ARHGEF17: variants seen among roughly 807,000 people sequenced by gnomAD.
ARHGEF17 encodes the protein 164 kDa Rho-specific guanine-nucleotide exchange factor.
ARHGEF17 carries 80 observed loss-of-function variants against 174.0 expected under a neutral mutation model. The observed-to-expected ratio is 0.46, with a 90% confidence interval of 0.38 to 0.55. The LOEUF (loss-of-function observed/expected upper bound fraction) is 0.55, where lower values mean the gene tolerates loss of function less well. ARHGEF17 is among the 20% of genes least tolerant of loss of function. The pLI is 0.00. For missense variants in ARHGEF17, 2,886 were observed against 2,839.7 expected (o/e 1.02, Z -0.37); for synonymous variants, 1,311 against 1,189.1 (o/e 1.10, Z -2.11).
rs139582398 is a variant in ARHGEF17, at chr11:73,311,743, G to A, written c.3105G>A (p.Pro1035=). 31 of 1,613,016 alleles carry A rather than the reference G, an allele frequency of 1.9e-5. No individual in the cohort carries two copies. In the Admixed American group the frequency reaches 2.0e-4, roughly 10 times the overall value. ...VDMPCLPLAA[P]PSAEAKPPEA... ...TGCCCTGCTTGCCTCTGGCTGCACCGCCCTCTGCTGAGGCCAAGCCCCCTG... is the reference window on the plus strand; with the variant it reads ...TGCCCTGCTTGCCTCTGGCTGCACCACCCTCTGCTGAGGCCAAGCCCCCTG... The change falls in exon 1 of 21, where the codon CCG becomes CCA. Residue 1035 remains proline, a synonymous_variant. Transcript: ENST00000263674.
chr11:73,367,287 G>A (rs907251664), intron 20 of ARHGEF17, among the ~76,000 whole-genome samples: 1 of 152,176 alleles, frequency 6.6e-6, no homozygotes, highest in Non-Finnish European at 1.5e-5. Flanking sequence ...AAGAGAGATA[G>A]AAAGTGGCAT....
chr11:73,311,202 C>G lies in ARHGEF17; in HGVS notation c.2564C>G (p.Pro855Arg). The G allele has an allele frequency of 6.3e-7, 1 of 1,599,896 alleles. No homozygotes were observed. The highest frequency in any genetic ancestry group is 1.1e-5 in the South Asian group (1 of 90,100). ...GGGGAGCCCATCCGAGAAGTTGAGC[C>G]CATGCTGCCTCCATCCAGCAGCGAG... Reference protein sequence around the residue: ...PGGEPIREVEPMLPPSSSEPI... With the variant: ...PGGEPIREVERMLPPSSSEPI... Residue 855 changes from proline to arginine, a missense_variant, in exon 1 of 21, where the codon CCC becomes CGC. Transcript: ENST00000263674.
In ARHGEF17 at chr11:73,311,072, C is replaced by T. The variant is rs781647846; in HGVS notation, c.2434C>T (p.Arg812Cys). Residue 812 changes from arginine (R) to cysteine (C), a missense_variant, in exon 1 of 21, where the codon CGT becomes TGT. Transcript: ENST00000263674. The part of the protein sequence containing the change: ...SIVQGPGTLG[R>C]VVDDRIAGKA... Reference sequence around the variant, plus strand: ...AGTTCAGGGGCCTGGCACCCTGGGGCGTGTGGTGGACGACAGGATTGCTGG... The same window carrying T: ...AGTTCAGGGGCCTGGCACCCTGGGGTGTGTGGTGGACGACAGGATTGCTGG... The T allele has an allele frequency of 1.3e-5, 21 of 1,612,436 alleles. No individual in the cohort carries two copies. In the Admixed American group the frequency reaches 1.5e-4, roughly 12 times the overall value.
Position 73,309,261 on chromosome 11 carries a change from A to T in ARHGEF17, c.623A>T (p.Gln208Leu). ...RRPQQQQERA[Q>L]RPADGLHSWH... ...CCGCAGCAGCAACAGGAGCGGGCGC[A>T]GCGTCCAGCGGATGGTTTACATTCT... The change falls in exon 1 of 21, where the codon CAG becomes CTG. Residue 208 changes from glutamine (Q) to leucine (L), a missense_variant. Gln to Leu is a moderately radical substitution (Grantham distance 113). Around this residue, in one of 4 missense-constraint regions of ARHGEF17, gnomAD observed 1,728 missense variants for 1,461.2 expected, o/e 1.18. Transcript: ENST00000263674. 6.2e-7 allele frequency: 1 copy of T among 1,608,932 alleles called. No homozygotes were observed. Among genetic ancestry groups the T allele is most frequent in the Non-Finnish European group, 8.5e-7 (1 of 1,177,994 alleles).
intron 1 of ARHGEF17, among the ~76,000 whole-genome samples, chr11:73,318,008 T>G (rs531183771): frequency 6.6e-6 from 1 of 152,162 alleles, no homozygotes; most frequent in South Asian, 2.1e-4. Flanking sequence ...TCCATCCCCC[T>G]TCAGAGCCAC....
At position 73,368,003 on chromosome 11, in the gene ARHGEF17, A is replaced by G. The variant is rs752449627; in HGVS notation, c.*223A>G. 1.9e-5 allele frequency: 10 copies of G among 515,384 alleles called. No individual in the cohort carries two copies. Among genetic ancestry groups the G allele is most frequent in the Admixed American group, 1.0e-4 (3 of 29,786 alleles). 31.9% of individuals were successfully genotyped at this position (515,384 alleles called of 1,614,324 possible). On this transcript the variant is annotated 3_prime_UTR_variant, in exon 21 of 21. Coordinates refer to ENST00000263674, the MANE Select transcript of ARHGEF17 (RefSeq NM_014786.4). The stretch of plus-strand genomic sequence containing the variant: ...TCTGGCTGCCCCGGTGCTTCCAGTC[A>G]TGATCGGGTGGGGGACATGTGGGCT...
chr11:73,366,118 G>A (rs1865833355), intron 20 of ARHGEF17, among the ~76,000 whole-genome samples, 171 bp downstream of exon 20: 1 of 149,914 alleles, frequency 6.7e-6, no homozygotes, highest in South Asian at 2.1e-4. Context: ...ATCTAGGATA[G>A]TTGTGTGTGT....
In ARHGEF17 at chr11:73,310,380, A is replaced by G; in HGVS notation, c.1742A>G (p.Asp581Gly). ...LLLTGPGAEE[D>G]PLPLIVQDQY... ...CTCACAGGCCCTGGTGCCGAGGAGGATCCGCTGCCCCTCATCGTCCAGGAC... is the reference window on the plus strand; with the variant it reads ...CTCACAGGCCCTGGTGCCGAGGAGGGTCCGCTGCCCCTCATCGTCCAGGAC... The change falls in exon 1 of 21, where the codon GAT becomes GGT. Residue 581 changes from aspartate to glycine, a missense_variant. Coordinates refer to ENST00000263674, the MANE Select transcript of ARHGEF17 (RefSeq NM_014786.4). 1.2e-6 allele frequency: 2 copies of G among 1,613,882 alleles called. No homozygotes were observed. Among genetic ancestry groups the G allele is most frequent in the Non-Finnish European group, 1.7e-6 (2 of 1,180,014 alleles).
intron 2 of ARHGEF17, among the ~76,000 whole-genome samples, chr11:73,350,015 T>C (rs1002587662): frequency 2.0e-5 from 3 of 152,194 alleles, no homozygotes; most frequent in African/African-American, 7.2e-5. Context: ...ATAACCAGTC[T>C]CTGCCTCAGT....
At chr11:73,312,002 C>G (rs1045703160) in intron 1 of ARHGEF17, among the ~76,000 whole-genome samples, 172 bp downstream of exon 1, 1 of 152,204 alleles carries the variant, frequency 6.6e-6, no homozygotes, top group Non-Finnish European at 1.5e-5. Context: ...ACACAGGGCT[C>G]CTGTCTACTC....
chr11:73,346,313 C>T (rs1231931370), intron 1 of ARHGEF17, among the ~76,000 whole-genome samples: 1 of 152,190 alleles, frequency 6.6e-6, no homozygotes, highest in Non-Finnish European at 1.5e-5. Flanking sequence ...CCAGCCTTGT[C>T]TGAGACTGGC....
chr11:73,351,357 G>A (rs1236521015), intron 2 of ARHGEF17, among the ~76,000 whole-genome samples: 1 of 152,090 alleles, frequency 6.6e-6, no homozygotes, highest in Non-Finnish European at 1.5e-5. Flanking sequence ...ACAGCGTAGG[G>A]CCAGTAGAGG....
intron 1 of ARHGEF17, among the ~76,000 whole-genome samples, chr11:73,317,316 C>T (rs1864944032): frequency 6.6e-6 from 1 of 152,178 alleles, no homozygotes; most frequent in African/African-American, 2.4e-5. Context: ...CCAAGGTAGC[C>T]CCATCCCTCC....
chr11:73,310,634 G>T lies in ARHGEF17; in HGVS notation c.1996G>T (p.Gly666Trp). ...AGCATTTTGCGGCCTGGGTACCACA[G>T]GGATGTGGCGACCTCTTTCCTCATC... The part of the protein sequence containing the change: ...VAAFCGLGTT[G>W]MWRPLSSSSA... The change falls in exon 1 of 21, where the codon GGG becomes TGG. Residue 666 changes from glycine to tryptophan, a missense_variant. By Grantham distance (184) the Gly-to-Trp change is radical. This residue lies in a region of ARHGEF17 where 1,728 missense variants were observed against 1,461.2 expected (regional missense o/e 1.18). Transcript: ENST00000263674. The T allele has an allele frequency of 5.6e-6, 9 of 1,614,136 alleles. No homozygotes were observed. The highest frequency in any genetic ancestry group is 7.6e-6 in the Non-Finnish European group (9 of 1,180,026).
At chr11:73,342,360 C>T (rs1865384344) in intron 1 of ARHGEF17, among the ~76,000 whole-genome samples, 1 of 152,072 alleles carries the variant, frequency 6.6e-6, no homozygotes, top group Non-Finnish European at 1.5e-5. Context: ...CCAAGAGCTC[C>T]TCCCTTGGGT....
At chr11:73,360,026 C>T (rs1237263829) in intron 10 of ARHGEF17, 74 bp downstream of exon 10, 5 of 1,377,148 alleles carry the variant, frequency 3.6e-6, no homozygotes, top group South Asian at 1.4e-5. Flanking sequence ...GATAGACAGC[C>T]CTGACATTTG....
intron 15 of ARHGEF17, 60 bp from the exon 16 acceptor site, chr11:73,363,687 A>C (rs1211732495): frequency 6.3e-7 from 1 of 1,597,148 alleles, no homozygotes; most frequent in Non-Finnish European, 8.6e-7. Context: ...AGGTGGAGGG[A>C]TGACTCCAGG....
intron 16 of ARHGEF17, 24 bp from the exon 17 acceptor site, chr11:73,364,148 C>T (rs941089471): frequency 1.2e-6 from 2 of 1,613,434 alleles, no homozygotes; most frequent in Non-Finnish European, 1.7e-6. Context: ...AACTCCCTTA[C>T]TGCTTCCTCT....
chr11:73,362,562 T>G lies in ARHGEF17; in HGVS notation c.4824T>G (p.Leu1608=). The G allele has an allele frequency of 6.2e-7, 1 of 1,609,526 alleles. No homozygotes were observed. The highest frequency in any genetic ancestry group is 8.5e-7 in the Non-Finnish European group (1 of 1,179,660). Reference sequence around the variant, plus strand: ...CGGAGCCGGGGCCGCAGCCCTGCCTTCACATCTCCATTGCAGGCTCGGGCT... The same window carrying G: ...CGGAGCCGGGGCCGCAGCCCTGCCTGCACATCTCCATTGCAGGCTCGGGCT... ...TLAEPGPQPC[L]HISIAGSGLE... is the part of the protein sequence containing the mutation. Residue 1608 remains leucine (L), a synonymous_variant, in exon 14 of 21, where the codon CTT becomes CTG. Coordinates refer to ENST00000263674, the MANE Select transcript of ARHGEF17 (RefSeq NM_014786.4).
Sources: allele counts gnomAD v4.1 joint callset (sites outside exome capture counted in the v4.1 genomes callset), GRCh38; gene constraint gnomAD v4.1.1; regional missense constraint gnomAD v4.1.1; transcripts MANE v1.5; gene names NCBI Gene and HGNC (gene_info 2026-07-23, HGNC 2026-07-21).